MMP26: variants seen among roughly 807,000 people sequenced by gnomAD.
MMP26 encodes matrix metalloproteinase-26.
In MMP26, 33 loss-of-function variants were observed where a neutral mutation model predicts 31.0. The ratio of observed to expected loss-of-function variants is 1.06; its 90% CI spans 0.81 to 1.42. The LOEUF is 1.42. Among genes scored for constraint, MMP26 ranks in the 40% most tolerant of loss-of-function variants. The probability of loss-of-function intolerance (pLI) is 0.00; values close to 1 mark genes in which losing one functional copy is unlikely to be tolerated. For missense variants in MMP26, 347 were observed against 316.1 expected (o/e 1.10, Z -0.74); for synonymous variants, 122 against 114.9 (o/e 1.06, Z -0.40).
intron 1 of MMP26, among the ~76,000 whole-genome samples, chr11:4,721,073 CA>C (rs1848005236): frequency 6.6e-6 from 1 of 152,186 alleles, no homozygotes; most frequent in Non-Finnish European, 1.5e-5. Context: ...TAGCCTCCCC[CA>C]ATTAATGGAC....
intron 2 of MMP26, among the ~76,000 whole-genome samples, chr11:4,844,134 C>T (rs913077290): frequency 1.3e-5 from 2 of 152,010 alleles, no homozygotes; most frequent in African/African-American, 2.4e-5. Flanking sequence ...ATGGCTATCA[C>T]GAGCAAGTAT....
At chr11:4,916,154 T>TA (rs5789343) in intron 2 of MMP26, among the ~76,000 whole-genome samples, 66,514 of 146,524 alleles carry the variant, frequency 0.45, 14,874 homozygotes, top group East Asian at 0.68. Context: ...CAGTCTCTAC[T>TA]AAAAAAAAAA....
At position 4,988,296 on chromosome 11, in the gene MMP26, T is replaced by A; in HGVS notation, c.85T>A (p.Trp29Arg). ...PVPPAADHKG[W>R]DFVEGYFHQF... ...GCCCCCTGCTGCAGACCATAAAGGA[T>A]GGGACTTTGTTGAGGTAGGTGAACG... is the stretch of plus-strand genomic sequence containing the variant. The change falls in exon 3 of 8, where the codon TGG (tryptophan) becomes AGG (arginine). Residue 29 changes from tryptophan to arginine, a missense_variant. Transcript: ENST00000380390. 6.2e-7 allele frequency: 1 copy of A among 1,613,982 alleles called. No homozygotes were observed. Among genetic ancestry groups the A allele is most frequent in the Non-Finnish European group, 8.5e-7 (1 of 1,179,944 alleles).
intron 2 of MMP26, among the ~76,000 whole-genome samples, chr11:4,792,072 G>A (rs1849034958): frequency 6.6e-6 from 1 of 151,572 alleles, no homozygotes; most frequent in Admixed American, 6.6e-5. Flanking sequence ...CATCTTATCT[G>A]TACAATGGAG....
chr11:4,880,148 T>C (rs1209758971), intron 2 of MMP26, among the ~76,000 whole-genome samples: 1 of 152,034 alleles, frequency 6.6e-6, no homozygotes, highest in Non-Finnish European at 1.5e-5. Context: ...CCAGAATGCT[T>C]ACTAATCAAG....
In MMP26 at chr11:4,888,316, G is replaced by T. The variant is rs1036711969; in HGVS notation, c.-144-99752G>T. On this transcript the variant is annotated intron_variant, in intron 2 of 7. Transcript: ENST00000380390. Reference sequence around the variant, plus strand: ...AATTTGAGGTAACCAAACATCTTTAGTTGGCTATTTTCTTTTAAAAATATG... The same window carrying T: ...AATTTGAGGTAACCAAACATCTTTATTTGGCTATTTTCTTTTAAAAATATG... Among the ~76,000 whole-genome samples, 22 of 152,102 alleles carry T rather than the reference G, an allele frequency of 1.4e-4. 1 individual carries two copies. The highest frequency in any genetic ancestry group is 5.1e-4 in the African/African-American group (21 of 41,512).
At chr11:4,766,039 C>T (rs567421487) in intron 1 of MMP26, among the ~76,000 whole-genome samples, 2 of 152,318 alleles carry the variant, frequency 1.3e-5, no homozygotes, top group South Asian at 4.1e-4. Context: ...AATGTCCCTA[C>T]ATTGATGCAT....
rs148300197 is a variant in MMP26 at position 4,772,314 on chromosome 11, C to T, written c.-145+4973C>T. 7.5e-3 allele frequency among the ~76,000 whole-genome samples: 1,140 copies of T among 152,198 alleles called. 10 individuals are homozygous for T. The highest frequency in any genetic ancestry group is 0.026 in the African/African-American group (1,093 of 41,524). On this transcript the variant is annotated intron_variant, in intron 2 of 7. Transcript: ENST00000380390. ...TAGCATTGGGGAATAGAGAGATGTA[C>T]ATCATTGTCTCTGGATTATAAGTGT...
intron 1 of MMP26, chr11:4,709,511 T>C (rs1847828778): frequency 1.1e-5 from 4 of 369,666 alleles, no homozygotes; most frequent in South Asian, 8.2e-5. Flanking sequence ...ATGCTTTTCT[T>C]CTCCATTATT....
At chr11:4,927,101 G>A (rs1049729966) in intron 2 of MMP26, among the ~76,000 whole-genome samples, 1 of 152,078 alleles carries the variant, frequency 6.6e-6, no homozygotes, top group African/African-American at 2.4e-5. Context: ...TCATCCTAGG[G>A]TTTATGACAG....
chr11:4,832,518 G>A (rs1207085711), intron 2 of MMP26: 4 of 152,410 alleles, frequency 2.6e-5, no homozygotes, highest in Non-Finnish European at 5.9e-5. Context: ...GTAGCCATTT[G>A]CAACCCCCTA....
At chr11:4,854,351 G>A (rs1361488527) in intron 2 of MMP26, among the ~76,000 whole-genome samples, 4 of 152,158 alleles carry the variant, frequency 2.6e-5, no homozygotes, top group Non-Finnish European at 4.4e-5. Flanking sequence ...GGAAAATCGG[G>A]ACACTCCTAC....
At chr11:4,931,987 C>G (rs75779543) in intron 2 of MMP26, among the ~76,000 whole-genome samples, 2,762 of 152,168 alleles carry the variant, frequency 0.018, 34 homozygotes, top group Middle Eastern at 0.037. Context: ...CTTGATCCCT[C>G]AGAAAAATGA....
At chr11:4,715,736 G>A (rs1847921438) in intron 1 of MMP26, among the ~76,000 whole-genome samples, 2 of 152,172 alleles carry the variant, frequency 1.3e-5, no homozygotes, top group South Asian at 4.1e-4. Context: ...GGGGTTGGTA[G>A]AATTCTAAAA....
intron 2 of MMP26, among the ~76,000 whole-genome samples, chr11:4,965,268 A>G (rs1427835779): frequency 2.0e-5 from 3 of 152,174 alleles, no homozygotes; most frequent in Non-Finnish European, 4.4e-5. Flanking sequence ...GCTAAGAAAG[A>G]TCACATCCTA....
At chr11:4,823,862 G>T (rs945058321) in intron 2 of MMP26, among the ~76,000 whole-genome samples, 4 of 152,100 alleles carry the variant, frequency 2.6e-5, no homozygotes, top group African/African-American at 9.7e-5. Context: ...CTGACTATGA[G>T]ATAAACGTTG....
chr11:4,803,535 G>A, intron 2 of MMP26: 1 of 1,614,116 alleles, frequency 6.2e-7, no homozygotes, highest in Admixed American at 1.7e-5. Flanking sequence ...TCAGTAGATA[G>A]AGATTAGCAA....
chr11:4,823,077 T>C (rs1849532896), intron 2 of MMP26, among the ~76,000 whole-genome samples: 2 of 152,166 alleles, frequency 1.3e-5, no homozygotes, highest in Admixed American at 1.3e-4. Flanking sequence ...CTCATATTTA[T>C]CTCTATCCCT....
intron 2 of MMP26, among the ~76,000 whole-genome samples, chr11:4,895,562 G>A (rs182178469): frequency 6.6e-6 from 1 of 152,186 alleles, no homozygotes; most frequent in African/African-American, 2.4e-5. Flanking sequence ...ATAAACAGTT[G>A]CATGATTTCT....
Sources: gnomAD v4.1 joint callset for allele counts (sites outside exome capture counted in the v4.1 genomes callset) on GRCh38, gnomAD v4.1.1 for gene constraint, MANE v1.5 for transcripts, NCBI Gene and HGNC (gene_info 2026-07-23, HGNC 2026-07-21) for gene names.